Variants in IGSF9B observed in about 807,000 individuals in gnomAD.
IGSF9B encodes the protein immunoglobulin superfamily member 9B.
IGSF9B carries 48 observed loss-of-function variants against 143.7 expected under a neutral mutation model. The observed-to-expected ratio is 0.33, with a 90% CI of 0.26 to 0.42. IGSF9B has a LOEUF of 0.42. IGSF9B is among the 20% of genes least tolerant of loss of function. The pLI is 1.00. For synonymous variants in IGSF9B, 903 were observed against 833.1 expected, an observed-to-expected ratio of 1.08 and a Z score of -1.44; for missense variants, 1,706 against 1,980.0, an observed-to-expected ratio of 0.86 and a Z score of 2.63.
Position 133,931,450 on chromosome 11 carries a change from T to C in IGSF9B, c.1368+3A>G. The C allele has an allele frequency of 6.2e-7, 1 of 1,604,418 alleles. No homozygotes were observed. Among genetic ancestry groups the C allele is most frequent in the South Asian group, 1.1e-5 (1 of 90,842 alleles). On this transcript the variant is annotated splice_donor_region_variant and intron_variant, in intron 10 of 19. Transcript: ENST00000533871. The surrounding 1 kb of genome is among the most constrained non-coding windows in gnomAD (Gnocchi z 7.7). ...CAGACCCAGGGCTCCAGGGCCCAGG[T>C]ACCTTTCTCCAAGTGATGACAGGAA... is the stretch of plus-strand genomic sequence containing the variant.
At position 133,913,756 on chromosome 11, in the gene IGSF9B, C is replaced by T. The variant is rs1939336574; in HGVS notation, c.3984-1749G>A. On this transcript the variant is annotated intron_variant, in intron 18 of 19. Coordinates refer to ENST00000533871, the MANE Select transcript of IGSF9B (RefSeq NM_001277285.4). The surrounding 1 kb of genome is among the most constrained non-coding windows in gnomAD (Gnocchi z 4.6). Reference sequence around the variant, plus strand: ...AAGGCAGACAAAGGGTGCAGGTGCCCGGGCGGGAGGCAGCACACCTTCCCA... The same window carrying T: ...AAGGCAGACAAAGGGTGCAGGTGCCTGGGCGGGAGGCAGCACACCTTCCCA... Among the ~76,000 whole-genome samples, 1 of 152,200 alleles carries T rather than the reference C, an allele frequency of 6.6e-6. No individual in the cohort carries two copies. Among genetic ancestry groups the T allele is most frequent in the South Asian group, 2.1e-4 (1 of 4,834 alleles).
chr11:133,950,098 C>T (rs893304442), intron 1 of IGSF9B, among the ~76,000 whole-genome samples: 2 of 152,194 alleles, frequency 1.3e-5, no homozygotes, highest in Non-Finnish European at 2.9e-5. Flanking sequence ...AGGTGGTACC[C>T]AGTGGGTGGC....
chr11:133,944,123 T>G, intron 3 of IGSF9B, 97 bp downstream of exon 3: 2 of 1,344,224 alleles, frequency 1.5e-6, no homozygotes, highest in South Asian at 1.5e-5. Flanking sequence ...TGAGATGCAG[T>G]TGGGAGAAGG....
intron 18 of IGSF9B, among the ~76,000 whole-genome samples, chr11:133,912,525 C>A (rs1481611829): frequency 6.6e-6 from 1 of 152,200 alleles, no homozygotes; most frequent in Non-Finnish European, 1.5e-5. Context: ...CAAAACCCAG[C>A]CTTGCCAGCT....
intron 18 of IGSF9B, chr11:133,919,225 G>A (rs1483236851): frequency 2.7e-6 from 1 of 365,536 alleles, no homozygotes; most frequent in Non-Finnish European, 5.4e-6. Context: ...CGCTCACTAG[G>A]GCTGCTAAGG....
At position 133,931,958 on chromosome 11, in the gene IGSF9B, C is replaced by A; in HGVS notation, c.1110+113G>T. Reference sequence around the variant, plus strand: ...CCTACAGAAGCAGCTCTCTGTTTGCCCAGGGCTTTTGGAAGGGGCCAGGAG... The same window carrying A: ...CCTACAGAAGCAGCTCTCTGTTTGCACAGGGCTTTTGGAAGGGGCCAGGAG... On this transcript the variant is annotated intron_variant, in intron 8 of 19. Coordinates refer to ENST00000533871, the MANE Select transcript of IGSF9B (RefSeq NM_001277285.4). This position sits in a 1 kb window ranked among gnomAD's most constrained non-coding sequence, Gnocchi z 7.7. The A allele has an allele frequency of 6.7e-7, 1 of 1,501,846 alleles. No individual in the cohort carries two copies. Among genetic ancestry groups the A allele is most frequent in the Admixed American group, 2.3e-5 (1 of 43,904 alleles). The allele number at this position is 1,501,846 out of a possible 1,614,324, so 93.0% of individuals were successfully genotyped here.
At chr11:133,933,317 G>A (rs1166493639) in intron 7 of IGSF9B, among the ~76,000 whole-genome samples, 1 of 152,140 alleles carries the variant, frequency 6.6e-6, no homozygotes, top group Non-Finnish European at 1.5e-5. Flanking sequence ...GCAACAAGCA[G>A]TCCCCGCCTC....
Position 133,908,987 on chromosome 11 carries a change from G to A in IGSF9B, c.*82C>T. On this transcript the variant is annotated 3_prime_UTR_variant, in exon 20 of 20. Coordinates refer to ENST00000533871, the MANE Select transcript of IGSF9B (RefSeq NM_001277285.4). Reference sequence around the variant, plus strand: ...AGGTCTGGGCCGCCCTTGGCAGACGGAGGAGGACACACCCCCACACAGTGG... The same window carrying A: ...AGGTCTGGGCCGCCCTTGGCAGACGAAGGAGGACACACCCCCACACAGTGG... The A allele has an allele frequency of 8.2e-7, 1 of 1,224,898 alleles. No individual in the cohort carries two copies. Among genetic ancestry groups the A allele is most frequent in the Non-Finnish European group, 1.1e-6 (1 of 875,092 alleles). 75.9% of individuals were successfully genotyped at this position (1,224,898 alleles called of 1,614,324 possible).
intron 13 of IGSF9B, 97 bp from the exon 14 acceptor site, chr11:133,926,062 G>C: frequency 1.1e-6 from 1 of 894,666 alleles, no homozygotes; most frequent in Non-Finnish European, 1.8e-6. Context: ...GGGCCCAGAG[G>C]GAAGCAGAGT....
At chr11:133,952,572 C>T (rs1721440253) in intron 1 of IGSF9B, among the ~76,000 whole-genome samples, 1 of 152,286 alleles carries the variant, frequency 6.6e-6, no homozygotes, top group Admixed American at 6.5e-5. Flanking sequence ...CACTTGTGGG[C>T]AGGCACACAT....
In IGSF9B at chr11:133,909,012, G is replaced by A; in HGVS notation, c.*57C>T. On this transcript the variant is annotated 3_prime_UTR_variant, in exon 20 of 20. Transcript: ENST00000533871. This position sits in a 1 kb window ranked among gnomAD's most constrained non-coding sequence, Gnocchi z 4.2. Reference sequence around the variant, plus strand: ...GAGGAGGACACACCCCCACACAGTGGCCCTCCCTGCCTGAGCCCAGCAACC... The same window carrying A: ...GAGGAGGACACACCCCCACACAGTGACCCTCCCTGCCTGAGCCCAGCAACC... 7.0e-7 allele frequency: 1 copy of A among 1,421,258 alleles called. No homozygotes were observed. Among genetic ancestry groups the A allele is most frequent in the Non-Finnish European group, 9.6e-7 (1 of 1,046,686 alleles). The allele number at this position is 1,421,258 out of a possible 1,614,324, so 88.0% of individuals were successfully genotyped here. A position where few individuals can be genotyped will look rare whatever the true frequency, so the allele number is the denominator to read the frequency against.
intron 18 of IGSF9B, among the ~76,000 whole-genome samples, chr11:133,918,702 G>A (rs1028053335): frequency 1.3e-5 from 2 of 150,552 alleles, no homozygotes; most frequent in Non-Finnish European, 3.0e-5. Flanking sequence ...CCTCCTCCTC[G>A]ACCACCTCCC....
rs1939811381 is a variant in IGSF9B at position 133,935,776 on chromosome 11, T to TGGGG, written c.822-18_822-15dup. On this transcript the variant is annotated splice_polypyrimidine_tract_variant and intron_variant, in intron 6 of 19. Coordinates refer to ENST00000533871, the MANE Select transcript of IGSF9B (RefSeq NM_001277285.4). ...AGCTTCAGGTCGCTGCAAAGCGGCA[T>TGGGG]GGGGACAGGGGGTTGGGCGAGCAGA... The TGGGG allele has an allele frequency of 1.2e-6, 2 of 1,609,908 alleles. No individual in the cohort carries two copies. The highest frequency in any genetic ancestry group is 1.7e-6 in the Non-Finnish European group (2 of 1,179,058).
chr11:133,919,718 TG>T (rs1939473610), intron 18 of IGSF9B, 23 bp downstream of exon 18: 7 of 1,337,864 alleles, frequency 5.2e-6, no homozygotes, highest in Non-Finnish European at 6.8e-6. Flanking sequence ...CAGGTGCGGG[TG>T]GCGGAAGAGG....
chr11:133,923,402 G>A (rs1939575912), intron 15 of IGSF9B, among the ~76,000 whole-genome samples: 1 of 152,220 alleles, frequency 6.6e-6, no homozygotes, highest in Non-Finnish European at 1.5e-5. Flanking sequence ...CCCTAGAGCT[G>A]GCAGGGACAG....
At position 133,906,386 on chromosome 11, in the gene IGSF9B, G is replaced by A. The variant is rs1196808126; in HGVS notation, c.*2683C>T. ...CTGGCCTCCGAGGACACTGTCACAG[G>A]AGGAAGCCCTCAGGGGAGCTGAATG... On this transcript the variant is annotated 3_prime_UTR_variant, in exon 20 of 20. Coordinates refer to ENST00000533871, the MANE Select transcript of IGSF9B (RefSeq NM_001277285.4). Among the ~76,000 whole-genome samples, 1 of 151,636 alleles carries A rather than the reference G, an allele frequency of 6.6e-6. No individual in the cohort carries two copies. Among genetic ancestry groups the A allele is most frequent in the East Asian group, 1.9e-4 (1 of 5,188 alleles).
At chr11:133,940,508 C>T (rs1298952014) in intron 3 of IGSF9B, among the ~76,000 whole-genome samples, 1 of 146,472 alleles carries the variant, frequency 6.8e-6, no homozygotes, top group Non-Finnish European at 1.5e-5. Context: ...TGCACATCCT[C>T]GCACGCGTCA....
chr11:133,946,193 G>C lies in IGSF9B; in HGVS notation c.130C>G (p.Arg44Gly). The C allele has an allele frequency of 6.2e-7, 1 of 1,613,620 alleles. No homozygotes were observed. Among genetic ancestry groups the C allele is most frequent in the Non-Finnish European group, 8.5e-7 (1 of 1,179,726 alleles). ...GTCACTGGGTGGATCACGTCGCATC[G>C]CAGGACCACGCTCTCCCCAGCTCTT... ...TARAGESVVL[R>G]CDVIHPVTGQ... Residue 44 changes from arginine (R) to glycine (G), a missense_variant, in exon 2 of 20, where the codon CGA becomes GGA. Coordinates refer to ENST00000533871, the MANE Select transcript of IGSF9B (RefSeq NM_001277285.4).
At position 133,908,938 on chromosome 11, in the gene IGSF9B, CA is replaced by C. The variant is rs1207295745; in HGVS notation, c.*130del. The C allele has an allele frequency of 4.9e-5, 38 of 772,628 alleles. 1 individual carries two copies. The Middle Eastern group carries it at 1.9e-3, about 38-fold the overall frequency. 47.9% of individuals were successfully genotyped at this position (772,628 alleles called of 1,614,324 possible). ...ATCTGGAGGGAGACACCCGCTCTGG[CA>C]AAAGAGGGGGCATGCAGGACAAAGG... On this transcript the variant is annotated 3_prime_UTR_variant, in exon 20 of 20. Coordinates refer to ENST00000533871, the MANE Select transcript of IGSF9B (RefSeq NM_001277285.4).
Sources: gnomAD v4.1 joint callset for allele counts (sites outside exome capture counted in the v4.1 genomes callset) on GRCh38, gnomAD v4.1.1 for gene constraint, Gnocchi (gnomAD v3.1) non-coding constraint, MANE v1.5 for transcripts, NCBI Gene and HGNC (gene_info 2026-07-23, HGNC 2026-07-21) for gene names.